The following DPP6 variants were observed in gnomAD, a reference collection of about 807,000 sequenced individuals.
The protein encoded by DPP6 is A-type potassium channel modulatory protein DPP6.
Under a neutral mutation model 122.6 loss-of-function variants are expected in DPP6, and 69 were observed. The ratio of observed to expected loss-of-function variants is 0.56; its 90% CI spans 0.46 to 0.69. DPP6 has a LOEUF of 0.69. Ranked by LOEUF, DPP6 falls within the 30% of genes least tolerant of loss-of-function variation. The pLI, the probability that DPP6 is intolerant of heterozygous loss-of-function variation, is 0.00. For synonymous variants in DPP6, 418 were observed against 433.1 expected, an observed-to-expected ratio of 0.97 and a Z score of 0.43; for missense variants, 928 against 1,116.9, an observed-to-expected ratio of 0.83 and a Z score of 2.41.
chr7:153,939,656 G>C (rs1801610476), intron 1 of DPP6, among the ~76,000 whole-genome samples: 1 of 152,216 alleles, frequency 6.6e-6, no homozygotes, highest in South Asian at 2.1e-4. Flanking sequence ...TCTTGTGCTA[G>C]ATTTAAGAAG....
chr7:154,430,578 G>A lies in DPP6; in HGVS notation c.244-15636G>A, dbSNP rs536816731. Among the ~76,000 whole-genome samples, 177 of 152,208 alleles carry A rather than the reference G, an allele frequency of 1.2e-3. 2 individuals are homozygous for A. The highest frequency in any genetic ancestry group is 4.0e-3 in the African/African-American group (168 of 41,532). ...CCCCCTCCTAGTGCTGTCACATTGG[G>A]GAGTTAGGATTTCATTGTATGAATC... On this transcript the variant is annotated intron_variant, in intron 1 of 25. Coordinates refer to ENST00000377770, the MANE Select transcript of DPP6 (RefSeq NM_130797.4).
At chr7:154,512,157 A>T (rs560843397) in intron 3 of DPP6, among the ~76,000 whole-genome samples, 33 of 152,330 alleles carry the variant, frequency 2.2e-4, no homozygotes, top group Non-Finnish European at 4.0e-4. Context: ...ATACTTTTAG[A>T]TGTAATTGTG....
chr7:154,204,864 C>T (rs1306818410), intron 1 of DPP6, among the ~76,000 whole-genome samples: 3 of 151,846 alleles, frequency 2.0e-5, no homozygotes, highest in Non-Finnish European at 2.9e-5. Context: ...ATGTGTACTC[C>T]GGAACTCATA....
chr7:154,780,486 T>C (rs1030399752), intron 10 of DPP6, among the ~76,000 whole-genome samples: 1 of 152,204 alleles, frequency 6.6e-6, no homozygotes, highest in Non-Finnish European at 1.5e-5. Context: ...TAAAATGGGA[T>C]TCTGCGTCGC....
chr7:154,381,966 A>G (rs908946715), intron 1 of DPP6, among the ~76,000 whole-genome samples: 1 of 152,096 alleles, frequency 6.6e-6, no homozygotes, highest in Non-Finnish European at 1.5e-5. Flanking sequence ...CCTGTGCTGC[A>G]GGTAAATCTG....
chr7:154,410,828 A>C (rs2151204838), intron 1 of DPP6, among the ~76,000 whole-genome samples: 1 of 152,350 alleles, frequency 6.6e-6, no homozygotes, highest in Non-Finnish European at 1.5e-5. Context: ...TGCTAGATTA[A>C]AAAGCATTTA....
At chr7:153,762,106 TA>T in the DPP6 span, among the ~76,000 whole-genome samples, 2 of 152,226 alleles carry the variant, frequency 1.3e-5, no homozygotes, top group African/African-American at 4.8e-5. Context: ...CCCCACATGA[TA>T]ACTGTAATCC....
intron 1 of DPP6, among the ~76,000 whole-genome samples, chr7:154,068,410 G>A (rs573618167): frequency 3.2e-3 from 473 of 147,630 alleles, no homozygotes; most frequent in African/African-American, 0.012. Flanking sequence ...AAAAAGGATG[G>A]GAAGAAGATG....
chr7:154,610,000 T>C (rs532988706), intron 5 of DPP6, among the ~76,000 whole-genome samples: 152 of 152,282 alleles, frequency 1.0e-3, no homozygotes, highest in African/African-American at 3.4e-3. Context: ...CTAAAAACAA[T>C]CCATTCATTT....
At chr7:154,101,525 T>A (rs568603241) in intron 1 of DPP6, among the ~76,000 whole-genome samples, 5 of 151,998 alleles carry the variant, frequency 3.3e-5, no homozygotes, top group African/African-American at 1.2e-4. Flanking sequence ...TGAGGAAATC[T>A]TATCAGAAAA....
At chr7:154,691,181 G>A (rs1485760970) in intron 7 of DPP6, among the ~76,000 whole-genome samples, 1 of 152,180 alleles carries the variant, frequency 6.6e-6, no homozygotes, top group Non-Finnish European at 1.5e-5. Flanking sequence ...AATGGTCAGG[G>A]TGTGATTTCA....
chr7:153,963,996 T>TTTTA (rs71520137), intron 1 of DPP6, among the ~76,000 whole-genome samples: 1 of 152,092 alleles, frequency 6.6e-6, no homozygotes, highest in Non-Finnish European at 1.5e-5. Context: ...TCTTTTTACC[T>TTTTA]TTTATTTATT....
At chr7:154,608,255 G>A (rs1833682273) in intron 5 of DPP6, among the ~76,000 whole-genome samples, 1 of 148,654 alleles carries the variant, frequency 6.7e-6, no homozygotes, top group Non-Finnish European at 1.5e-5. Context: ...CAGGATTACA[G>A]GCGTGAGCCA....
At chr7:154,208,418 G>A in intron 1 of DPP6, among the ~76,000 whole-genome samples, 1 of 152,206 alleles carries the variant, frequency 6.6e-6, no homozygotes, top group East Asian at 1.9e-4. Context: ...ACCAAAGACA[G>A]CCAGGGCTTC....
intron 6 of DPP6, among the ~76,000 whole-genome samples, chr7:154,660,764 C>A (rs9642635): frequency 0.11 from 243 of 2,216 alleles, 85 homozygotes; most frequent in Non-Finnish European, 0.25. Flanking sequence ...CGTAGTGTTC[C>A]TATAGTCATG....
chr7:153,915,231 A>T (rs763958632), intron 1 of DPP6, among the ~76,000 whole-genome samples: 27 of 152,100 alleles, frequency 1.8e-4, no homozygotes, highest in Non-Finnish European at 3.7e-4. Flanking sequence ...GTCCAAAGTG[A>T]CTCTACTGTG....
intron 5 of DPP6, among the ~76,000 whole-genome samples, chr7:154,637,135 G>A (rs1835777871): frequency 6.6e-6 from 1 of 152,174 alleles, no homozygotes; most frequent in Non-Finnish European, 1.5e-5. Context: ...GTTATCTATG[G>A]ATTGTGGAGT....
intron 1 of DPP6, among the ~76,000 whole-genome samples, chr7:154,041,907 C>G (rs528776482): frequency 3.4e-4 from 51 of 152,196 alleles, no homozygotes; most frequent in Non-Finnish European, 6.0e-4. Context: ...TACAGTCATA[C>G]GCCACCAGGT....
intron 1 of DPP6, among the ~76,000 whole-genome samples, chr7:154,217,623 T>G (rs961124645): frequency 6.6e-6 from 1 of 152,200 alleles, no homozygotes; most frequent in African/African-American, 2.4e-5. Context: ...AAAGTACATC[T>G]TTAGCCAGCT....
Sources: gnomAD v4.1 joint callset for allele counts (sites outside exome capture counted in the v4.1 genomes callset) on GRCh38, gnomAD v4.1.1 for gene constraint, MANE v1.5 for transcripts, NCBI Gene and HGNC (gene_info 2026-07-23, HGNC 2026-07-21) for gene names.